Variants in DGLUCY observed in about 807,000 individuals in gnomAD.
DGLUCY encodes D-glutamate cyclase, mitochondrial.
A neutral mutation model predicts 58.5 loss-of-function variants in DGLUCY; 58 were observed. The ratio of observed to expected loss-of-function variants is 0.99; its 90% CI spans 0.80 to 1.23. DGLUCY has a LOEUF of 1.23. Among genes scored for constraint, DGLUCY ranks in the 50% most tolerant of loss-of-function variants. The probability of loss-of-function intolerance (pLI) is 0.00; values close to 1 mark genes in which losing one functional copy is unlikely to be tolerated. For missense variants in DGLUCY, 779 were observed against 784.7 expected (o/e 0.99, Z 0.09); for synonymous variants, 325 against 314.1 (o/e 1.03, Z -0.37).
chr14:91,080,932 G>A (rs1001989483), intron 1 of DGLUCY, among the ~76,000 whole-genome samples: 1 of 152,170 alleles, frequency 6.6e-6, no homozygotes, highest in Non-Finnish European at 1.5e-5. Flanking sequence ...GGCCGGGCAC[G>A]GTGGCTCACA....
At chr14:91,096,660 T>C (rs1308774680) in intron 1 of DGLUCY, among the ~76,000 whole-genome samples, 1 of 152,176 alleles carries the variant, frequency 6.6e-6, no homozygotes, top group Non-Finnish European at 1.5e-5. Flanking sequence ...TAGGCCCATG[T>C]TCAGCTGAGT....
At chr14:91,181,102 C>G in intron 7 of DGLUCY, 84 bp from the exon 8 acceptor site, 1 of 1,337,456 alleles carries the variant, frequency 7.5e-7, no homozygotes, top group Non-Finnish European at 1.1e-6. Context: ...CAGGTGCCAT[C>G]TTGCCTATCA....
chr14:91,173,577 G>T lies in DGLUCY; in HGVS notation c.607+138G>T, dbSNP rs1239137358. On this transcript the variant is annotated intron_variant, in intron 6 of 13. Transcript: ENST00000256324. The stretch of plus-strand genomic sequence containing the variant: ...GTCTCTCGCTCCTGCCCATGATCCT[G>T]ACAGCCTCTCTTGGAGTTGGGCCTA... 31 of 1,223,266 alleles carry T rather than the reference G, an allele frequency of 2.5e-5. No individual in the cohort carries two copies. In the East Asian group the frequency reaches 8.1e-4, roughly 32 times the overall value. The allele number at this position is 1,223,266 out of a possible 1,614,324, so 75.8% of individuals were successfully genotyped here. A position where few individuals can be genotyped will look rare whatever the true frequency, so the allele number is the denominator to read the frequency against.
intron 1 of DGLUCY, among the ~76,000 whole-genome samples, chr14:91,131,291 T>G (rs2046011562): frequency 6.6e-6 from 1 of 152,244 alleles, no homozygotes; most frequent in African/African-American, 2.4e-5. Flanking sequence ...GGAATGCTTT[T>G]GCATTTTATT....
intron 12 of DGLUCY, among the ~76,000 whole-genome samples, chr14:91,209,193 G>A (rs1322472583): frequency 6.6e-6 from 1 of 152,052 alleles, no homozygotes; most frequent in African/African-American, 2.4e-5. Flanking sequence ...AACCTAGGAG[G>A]CAGAGGTTGC....
rs570357127 is a variant in DGLUCY, at chr14:91,173,380, T to C, written c.548T>C (p.Val183Ala). ...PIPKDKLEGL[V>A]RACCSLGGEQ... ...CCCAAGGACAAGCTGGAAGGGCTGGTGCGGGCCTGCTGCTCCCTCGGAGGT... is the reference window on the plus strand; with the variant it reads ...CCCAAGGACAAGCTGGAAGGGCTGGCGCGGGCCTGCTGCTCCCTCGGAGGT... The change falls in exon 6 of 14, where the codon GTG becomes GCG. Residue 183 changes from valine (V) to alanine (A), a missense_variant. Val to Ala is a moderately conservative substitution (Grantham distance 64, BLOSUM62 0). Transcript: ENST00000256324. 2.4e-5 allele frequency: 38 copies of C among 1,612,980 alleles called. No individual in the cohort carries two copies. In the East Asian group the frequency reaches 7.8e-4, roughly 33 times the overall value.
intron 1 of DGLUCY, among the ~76,000 whole-genome samples, chr14:91,084,177 C>T (rs2140052336): frequency 6.6e-6 from 1 of 151,150 alleles, no homozygotes; most frequent in Non-Finnish European, 1.5e-5. Context: ...CAAGCATTAG[C>T]AGTTCTCTCC....
At chr14:91,144,835 T>A (rs2046929181) in intron 1 of DGLUCY, among the ~76,000 whole-genome samples, 1 of 151,966 alleles carries the variant, frequency 6.6e-6, no homozygotes, top group Admixed American at 6.6e-5. Flanking sequence ...GCCCACAGAT[T>A]TGTTTGGCTA....
intron 1 of DGLUCY, among the ~76,000 whole-genome samples, chr14:91,154,354 T>G (rs1446394065): frequency 6.6e-6 from 1 of 152,172 alleles, no homozygotes; most frequent in African/African-American, 2.4e-5. Flanking sequence ...GAATCTACAT[T>G]TTTACATAAA....
chr14:91,156,723 A>G (rs1185054284), intron 1 of DGLUCY, among the ~76,000 whole-genome samples: 1 of 152,230 alleles, frequency 6.6e-6, no homozygotes, highest in African/African-American at 2.4e-5. Flanking sequence ...TCAGAGCAGA[A>G]AGGTAGCTTT....
intron 1 of DGLUCY, among the ~76,000 whole-genome samples, chr14:91,131,148 C>T (rs1366873083): frequency 1.3e-5 from 2 of 152,134 alleles, no homozygotes; most frequent in African/African-American, 4.8e-5. Flanking sequence ...CGAGGTTTTA[C>T]CATGTTGGCC....
chr14:91,164,059 C>G (rs920684468), intron 3 of DGLUCY, among the ~76,000 whole-genome samples: 2 of 152,112 alleles, frequency 1.3e-5, no homozygotes, highest in African/African-American at 4.8e-5. Context: ...AAGCGATTCT[C>G]CTGTCTCAGC....
intron 12 of DGLUCY, among the ~76,000 whole-genome samples, chr14:91,212,876 C>G (rs968670857): frequency 1.3e-5 from 2 of 152,088 alleles, no homozygotes; most frequent in Admixed American, 6.6e-5. Flanking sequence ...TGGCAGGTGC[C>G]TATAGTCCCA....
chr14:91,164,031 C>T (rs1433666261), intron 3 of DGLUCY, among the ~76,000 whole-genome samples: 1 of 152,120 alleles, frequency 6.6e-6, no homozygotes, highest in African/African-American at 2.4e-5. Context: ...CTCACTGCAG[C>T]CTCCATCTCC....
chr14:91,068,720 C>G (rs1302322675), intron 1 of DGLUCY, among the ~76,000 whole-genome samples: 1 of 152,138 alleles, frequency 6.6e-6, no homozygotes, highest in Non-Finnish European at 1.5e-5. Flanking sequence ...CCTCTCTCCT[C>G]CCTTGGAATC....
intron 1 of DGLUCY, among the ~76,000 whole-genome samples, chr14:91,089,165 C>A (rs1442371619): frequency 1.3e-5 from 2 of 152,236 alleles, no homozygotes; most frequent in Non-Finnish European, 2.9e-5. Context: ...CCCTCCTGCC[C>A]ACCATGGGAC....
intron 1 of DGLUCY, among the ~76,000 whole-genome samples, chr14:91,061,901 T>G (rs2043698863): frequency 6.6e-6 from 1 of 152,192 alleles, no homozygotes; most frequent in Non-Finnish European, 1.5e-5. Flanking sequence ...AAAGGGAACC[T>G]GATTTCTAGT....
rs967025785 is a variant in DGLUCY at position 91,124,244 on chromosome 14, A to G, written c.-82+9961A>G. 5.9e-5 allele frequency among the ~76,000 whole-genome samples: 9 copies of G among 152,142 alleles called. No homozygotes were observed. In the South Asian group the frequency reaches 6.2e-4, roughly 11 times the overall value. ...CCCTGCCAATAGTCAGACTTTTAAA[A>G]GCAGCAGACCCAGCTAACTGGGAGT... On this transcript the variant is annotated intron_variant, in intron 1 of 13. Transcript: ENST00000256324.
chr14:91,060,629 C>G, exon 1 of DGLUCY: 1 of 681,368 alleles, frequency 1.5e-6, no homozygotes, highest in Non-Finnish European at 2.0e-6. Context: ...TCGGCGGGCA[C>G]CGCTAGTACC....
Sources: gnomAD v4.1 joint callset for allele counts (sites outside exome capture counted in the v4.1 genomes callset) on GRCh38, gnomAD v4.1.1 for gene constraint, MANE v1.5 for transcripts, NCBI Gene and HGNC (gene_info 2026-07-23, HGNC 2026-07-21) for gene names.